DNAI4: variants seen among roughly 807,000 people sequenced by gnomAD.
DNAI4 encodes WD repeat domain 78.
DNAI4 carries 85 observed loss-of-function variants against 105.8 expected under a neutral mutation model. That is an observed-to-expected ratio of 0.80 (90% confidence interval 0.67 to 0.96). DNAI4 has a LOEUF of 0.96. Among genes scored for constraint, DNAI4 ranks in the 40% least tolerant of loss-of-function variants. The pLI, the probability that DNAI4 is intolerant of heterozygous loss-of-function variation, is 0.00. For missense variants in DNAI4, 1,014 were observed against 1,005.6 expected (o/e 1.01, Z -0.11); for synonymous variants, 352 against 331.5 (o/e 1.06, Z -0.67).
chr1:66,871,291 A>T (rs1017565072), intron 6 of DNAI4, 79 bp downstream of exon 6: 44 of 1,309,768 alleles, frequency 3.4e-5, no homozygotes, highest in Non-Finnish European at 4.2e-5. Flanking sequence ...ATACATTTCA[A>T]TATTCACTTG....
In DNAI4 at chr1:66,890,758, GGAGGAAGAGGAAGAA is replaced by G. The variant is rs1452312935; in HGVS notation, c.643+381_643+395del. The stretch of plus-strand genomic sequence containing the variant: ...AAGAGGGGGAGAAGGAAGAGGAGGA[GGAGGAAGAGGAAGAA>G]GAGGAAGAGGAGGAAGAAGAAGTGA... On this transcript the variant is annotated intron_variant, in intron 4 of 16. Transcript: ENST00000371026. This position sits in a 1 kb window ranked among gnomAD's most constrained non-coding sequence, Gnocchi z 4.1. 1.5e-5 allele frequency: 4 copies of G among 258,218 alleles called. No individual in the cohort carries two copies. In the East Asian group the frequency reaches 5.4e-4, roughly 35 times the overall value. 16.0% of individuals were successfully genotyped at this position (258,218 alleles called of 1,614,324 possible).
In DNAI4 at chr1:66,822,425, T is replaced by C; in HGVS notation, c.2432A>G (p.Asp811Gly). The part of the protein sequence containing the change: ...AKQTDCLLVG[D>G]SDGQVSVYEL... ...ATACACAGAAACCTGTCCATCACTG[T>C]CTCCTACCAGAAGGCAATCTGTTTG... The change falls in exon 16 of 17, where the codon GAC becomes GGC. Residue 811 changes from aspartate (D) to glycine (G), a missense_variant. Coordinates refer to ENST00000371026, the MANE Select transcript of DNAI4 (RefSeq NM_024763.5). 6.2e-7 allele frequency: 1 copy of C among 1,613,662 alleles called. No individual in the cohort carries two copies. Among genetic ancestry groups the C allele is most frequent in the Non-Finnish European group, 8.5e-7 (1 of 1,179,820 alleles).
chr1:66,890,889 A>C lies in DNAI4; in HGVS notation c.643+265T>G, dbSNP rs201189293. 1.8e-5 allele frequency: 9 copies of C among 493,126 alleles called. No homozygotes were observed. The highest frequency in any genetic ancestry group is 4.4e-5 in the South Asian group (2 of 45,928). The allele number at this position is 493,126 out of a possible 1,614,324, so 30.5% of individuals were successfully genotyped here. Reference sequence around the variant, plus strand: ...GAGGAAGAAGAAGAAGAAGAAGCAGAAGCAGCAGCAGCAACAGCAGCAGCA... The same window carrying C: ...GAGGAAGAAGAAGAAGAAGAAGCAGCAGCAGCAGCAGCAACAGCAGCAGCA... On this transcript the variant is annotated intron_variant, in intron 4 of 16. Coordinates refer to ENST00000371026, the MANE Select transcript of DNAI4 (RefSeq NM_024763.5). This position sits in a 1 kb window ranked among gnomAD's most constrained non-coding sequence, Gnocchi z 4.1.
chr1:66,902,614 G>T (rs1209919249), intron 2 of DNAI4, among the ~76,000 whole-genome samples: 1 of 152,092 alleles, frequency 6.6e-6, no homozygotes, highest in African/African-American at 2.4e-5. Flanking sequence ...GTTGTCATAT[G>T]CAAGAAATTG....
chr1:66,870,161 T>C (rs1243714479), intron 6 of DNAI4, among the ~76,000 whole-genome samples: 2 of 152,090 alleles, frequency 1.3e-5, no homozygotes, highest in Non-Finnish European at 2.9e-5. Flanking sequence ...AAACCGGCCA[T>C]GGCCAGGCGC....
At chr1:66,881,839 A>G (rs1647078109) in intron 4 of DNAI4, among the ~76,000 whole-genome samples, 2 of 152,206 alleles carry the variant, frequency 1.3e-5, no homozygotes, top group Non-Finnish European at 2.9e-5. Context: ...CCCAAATCTC[A>G]TCTTGAATTG....
intron 3 of DNAI4, 65 bp from the exon 4 acceptor site, chr1:66,891,331 A>G (rs1403607461): frequency 3.7e-6 from 4 of 1,073,688 alleles, no homozygotes; most frequent in Non-Finnish European, 5.6e-6. Context: ...TACATATACA[A>G]ATTAGAACAT....
intron 10 of DNAI4, among the ~76,000 whole-genome samples, chr1:66,836,154 A>G (rs1321184347): frequency 2.4e-5 from 1 of 41,886 alleles, no homozygotes; most frequent in African/African-American, 8.0e-5. Flanking sequence ...GAAAGAAAGA[A>G]AGAAAGAAAG....
At chr1:66,905,416 T>C in intron 1 of DNAI4, 41 bp from the exon 2 acceptor site, 7 of 1,317,272 alleles carry the variant, frequency 5.3e-6, no homozygotes, top group East Asian at 2.6e-5. Context: ...GGATTCAAGA[T>C]TGAAAAGAAA....
chr1:66,845,218 A>AAAAAAAAAAAAAAAAAAAAAAAAAAAATT (rs1646251781), intron 8 of DNAI4, among the ~76,000 whole-genome samples: 1 of 20,448 alleles, frequency 4.9e-5, no homozygotes, highest in Non-Finnish European at 1.6e-4. Context: ...AAGAAAAATT[A>AAAAAAAAAAAAAAAAAAAAAAAAAAAATT]AAAAAAAAAA....
Position 66,866,940 on chromosome 1 carries a change from G to A in DNAI4, c.940+4430C>T, listed in dbSNP as rs116009857. Among the ~76,000 whole-genome samples the A allele has an allele frequency of 7.8e-3, 1,195 of 152,300 alleles. 7 individuals carry two copies. Among genetic ancestry groups the A allele is most frequent in the Middle Eastern group, 0.02 (6 of 294 alleles). ...GCTTCACAGTCATGGTGGAAGGTAT[G>A]TCTTGCATGGCAGCAGGTGAGAAAA... On this transcript the variant is annotated intron_variant, in intron 6 of 16. Transcript: ENST00000371026.
At chr1:66,835,501 T>G (rs577459030) in intron 11 of DNAI4, 125 bp downstream of exon 11, 6 of 990,626 alleles carry the variant, frequency 6.1e-6, no homozygotes, top group Non-Finnish European at 8.8e-6. Context: ...GATTATGAAA[T>G]GTTTCAAAAA....
chr1:66,896,058 C>T (rs1193758184), intron 2 of DNAI4, among the ~76,000 whole-genome samples: 1 of 152,094 alleles, frequency 6.6e-6, no homozygotes, highest in East Asian at 1.9e-4. Context: ...CAAGGTAATG[C>T]TAGCCTCATA....
At chr1:66,828,380 T>G (rs1498349) in intron 13 of DNAI4, 62,002 of 152,038 alleles carry the variant, frequency 0.41, 13,121 homozygotes, top group South Asian at 0.51. Context: ...AAATTGGTAT[T>G]ACCAATACAT....
At chr1:66,849,240 C>T (rs1646343190) in intron 7 of DNAI4, among the ~76,000 whole-genome samples, 1 of 152,184 alleles carries the variant, frequency 6.6e-6, no homozygotes, top group South Asian at 2.1e-4. Context: ...ATGTGTAGCA[C>T]TAATGAAGCA....
chr1:66,894,829 A>G (rs1648176958), intron 2 of DNAI4, among the ~76,000 whole-genome samples: 1 of 152,184 alleles, frequency 6.6e-6, no homozygotes, highest in Non-Finnish European at 1.5e-5. Context: ...CCTGGTATCT[A>G]GGAAAGCAAG....
At chr1:66,905,880 G>A (rs1336904936) in intron 1 of DNAI4, among the ~76,000 whole-genome samples, 1 of 151,060 alleles carries the variant, frequency 6.6e-6, no homozygotes, top group East Asian at 1.9e-4. Flanking sequence ...AATAAAGCCT[G>A]AGAAAGAATA....
At chr1:66,820,028 T>G (rs149072231) in intron 16 of DNAI4, among the ~76,000 whole-genome samples, 2 of 152,168 alleles carry the variant, frequency 1.3e-5, no homozygotes, top group Non-Finnish European at 2.9e-5. Context: ...TTAAGACATT[T>G]GAATAAGAAT....
chr1:66,915,943 G>A (rs1650036254), intron 1 of DNAI4, among the ~76,000 whole-genome samples: 1 of 152,046 alleles, frequency 6.6e-6, no homozygotes, highest in African/African-American at 2.4e-5. Flanking sequence ...CCAACATGGC[G>A]AAGCCCCATC....
Sources: gnomAD v4.1 joint callset for allele counts (sites outside exome capture counted in the v4.1 genomes callset) on GRCh38, gnomAD v4.1.1 for gene constraint, Gnocchi (gnomAD v3.1) non-coding constraint, MANE v1.5 for transcripts, NCBI Gene and HGNC (gene_info 2026-07-23, HGNC 2026-07-21) for gene names.